The following BCL9L variants were observed in gnomAD, a reference collection of about 807,000 sequenced individuals.
BCL9L encodes BCL9 like, also known as B-cell CLL/lymphoma 9-like protein.
A neutral mutation model predicts 99.4 loss-of-function variants in BCL9L; 19 were observed. The ratio of observed to expected loss-of-function variants is 0.19; its 90% confidence interval spans 0.13 to 0.28. The LOEUF (loss-of-function observed/expected upper bound fraction) is 0.28, where lower values mean the gene tolerates loss of function less well. Among genes scored for constraint, BCL9L ranks in the 10% least tolerant of loss-of-function variants. BCL9L has a pLI of 1.00. For synonymous variants in BCL9L, 900 were observed against 854.8 expected, an observed-to-expected ratio of 1.05 and a Z score of -0.92; for missense variants, 2,023 against 2,101.6, an observed-to-expected ratio of 0.96 and a Z score of 0.73.
At chr11:118,924,258 C>G (rs901980809) in intron 1 of BCL9L, among the ~76,000 whole-genome samples, 5 of 151,896 alleles carry the variant, frequency 3.3e-5, no homozygotes, top group African/African-American at 9.7e-5. Context: ...TGTGAGGGCT[C>G]AAACACACGC....
chr11:118,902,049 T>C lies in BCL9L; in HGVS notation c.1694A>G (p.His565Arg), dbSNP rs1940269580. ...MMVRGPPPPY[H>R]SKPGDQWPPG... ...TGGCCACTGATCCCCAGGCTTGCTG[T>C]GGTAAGGAGGCGGGGGCCCCCTCAC... is the stretch of plus-strand genomic sequence containing the variant. The change falls in exon 8 of 10, where the codon CAC (histidine) becomes CGC (arginine). Residue 565 changes from histidine to arginine, a missense_variant. By Grantham distance (29) the His-to-Arg change is conservative. Coordinates refer to ENST00000683865, the MANE Select transcript of BCL9L (RefSeq NM_001378213.1). This position sits in a 1 kb window ranked among gnomAD's most constrained non-coding sequence, Gnocchi z 7.8. 6.2e-7 allele frequency: 1 copy of C among 1,614,062 alleles called. No individual in the cohort carries two copies. The highest frequency in any genetic ancestry group is 8.5e-7 in the Non-Finnish European group (1 of 1,179,996).
rs1258314785 is a variant in BCL9L, at chr11:118,909,934, C to A, written c.6G>T (p.Arg2Ser). The change falls in exon 3 of 10, where the codon AGG (arginine) becomes AGT (serine). Residue 2 changes from arginine (R) to serine (S), a missense_variant. By Grantham distance (110) the Arg-to-Ser change is moderately radical (BLOSUM62 -1). This residue lies in a region of BCL9L where 1,116 missense variants were observed against 1,194.6 expected (regional missense o/e 0.93). Coordinates refer to ENST00000683865, the MANE Select transcript of BCL9L (RefSeq NM_001378213.1). M[R>S]ILANKTRLPH... The stretch of plus-strand genomic sequence containing the variant: ...CACACCTTGTCTTGTTAGCCAGGAT[C>A]CTCATGGCTCCCACACACAGTGGGG... 2 of 1,613,988 alleles carry A rather than the reference C, an allele frequency of 1.2e-6. No individual in the cohort carries two copies. The highest frequency in any genetic ancestry group is 1.7e-6 in the Non-Finnish European group (2 of 1,179,974).
Position 118,902,792 on chromosome 11 carries a change from G to A in BCL9L, c.951C>T (p.Ala317=), listed in dbSNP as rs1420728607. Reference sequence around the variant, plus strand: ...GCCCCTCTGGGGGCAGAGCAGGCGGGGCACTGCCAGGGGCCGGGGGTGGCG... The same window carrying A: ...GCCCCTCTGGGGGCAGAGCAGGCGGAGCACTGCCAGGGGCCGGGGGTGGCG... ...PPPPPPAPGS[A]PPALPPEGPP... is the part of the protein sequence containing the mutation. Residue 317 remains alanine (A), a synonymous_variant, in exon 8 of 10, where the codon GCC becomes GCT. Transcript: ENST00000683865. The surrounding 1 kb of genome is among the most constrained non-coding windows in gnomAD (Gnocchi z 7.8). The A allele has an allele frequency of 6.4e-7, 1 of 1,566,488 alleles. No homozygotes were observed. The highest frequency in any genetic ancestry group is 2.3e-5 in the East Asian group (1 of 44,332).
chr11:118,925,473 C>T lies in BCL9L; in HGVS notation c.-366G>A, dbSNP rs10892308. ...GCCTCCCAACCGCGGAGCATGGTCG[C>T]GGGCGCCGGGCAGTGGCGGGAGAGC... On this transcript the variant is annotated 5_prime_UTR_variant, in exon 1 of 10. Transcript: ENST00000683865. The surrounding 1 kb of genome is among the most constrained non-coding windows in gnomAD (Gnocchi z 6.4). The T allele has an allele frequency of 1, 152,298 of 152,298 alleles. 76,149 individuals carry two copies. The highest frequency in any genetic ancestry group is 1 in the Non-Finnish European group (68,046 of 68,046). 9.4% of individuals were successfully genotyped at this position (152,298 alleles called of 1,614,324 possible).
chr11:118,924,184 A>T (rs1208174120), intron 1 of BCL9L, among the ~76,000 whole-genome samples: 1 of 152,102 alleles, frequency 6.6e-6, no homozygotes, highest in African/African-American at 2.4e-5. Flanking sequence ...GGGCACAGTC[A>T]GCTTTCACAC....
rs55938967 is a variant in BCL9L, at chr11:118,921,618, A to G, written c.-130-2739T>C. ...GGTGGAAGGGGGCCTAGAATAAAAC[A>G]CCAGGGTTAGGAGGGGGACCAGTCC... On this transcript the variant is annotated intron_variant, in intron 1 of 9. Transcript: ENST00000683865. The surrounding 1 kb of genome is among the most constrained non-coding windows in gnomAD (Gnocchi z 5.4). Among the ~76,000 whole-genome samples, 2,732 of 152,140 alleles carry G rather than the reference A, an allele frequency of 0.018. 68 individuals are homozygous for G. The highest frequency in any genetic ancestry group is 0.13 in the East Asian group (676 of 5,168).
chr11:118,912,086 C>G (rs947810240), intron 2 of BCL9L, among the ~76,000 whole-genome samples: 1 of 152,170 alleles, frequency 6.6e-6, no homozygotes. Flanking sequence ...TCAGGACTTT[C>G]CCATCTCACA....
At chr11:118,923,811 G>C (rs1163775395) in intron 1 of BCL9L, among the ~76,000 whole-genome samples, 2 of 152,164 alleles carry the variant, frequency 1.3e-5, no homozygotes, top group South Asian at 2.1e-4. Context: ...AAATCACCTG[G>C]GGGAGGCGGC....
In BCL9L at chr11:118,898,221, C is replaced by G; in HGVS notation, c.*194G>C. 1.3e-6 allele frequency: 1 copy of G among 787,870 alleles called. No homozygotes were observed. The highest frequency in any genetic ancestry group is 2.0e-6 in the Non-Finnish European group (1 of 511,604). The allele number at this position is 787,870 out of a possible 1,614,324, so 48.8% of individuals were successfully genotyped here. A position where few individuals can be genotyped will look rare whatever the true frequency, so the allele number is the denominator to read the frequency against. ...ATGGAACCAACCCCAATGCAAAATCCCCCACCCCACACTGCCACTTCCCCC... is the reference window on the plus strand; with the variant it reads ...ATGGAACCAACCCCAATGCAAAATCGCCCACCCCACACTGCCACTTCCCCC... On this transcript the variant is annotated 3_prime_UTR_variant, in exon 10 of 10. Coordinates refer to ENST00000683865, the MANE Select transcript of BCL9L (RefSeq NM_001378213.1).
rs1940044155 is a variant in BCL9L, at chr11:118,898,707, GTCC to G, written c.4205_4207del (p.Arg1402del). 1 of 1,612,474 alleles carries G rather than the reference GTCC, an allele frequency of 6.2e-7. No homozygotes were observed. Among genetic ancestry groups the G allele is most frequent in the African/African-American group, 1.3e-5 (1 of 75,060 alleles). ...CATCCCCTGCTGTGGGGGCACGCCT[GTCC>G]TGCCCAGCAAGGACATCTGTCCAGG... On this transcript the variant is annotated inframe_deletion, in exon 10 of 10. Coordinates refer to ENST00000683865, the MANE Select transcript of BCL9L (RefSeq NM_001378213.1).
Position 118,898,676 on chromosome 11 carries a change from G to A in BCL9L, c.4239C>T (p.Pro1413=), listed in dbSNP as rs1185358102. 1 of 1,611,170 alleles carries A rather than the reference G, an allele frequency of 6.2e-7. No homozygotes were observed. The highest frequency in any genetic ancestry group is 2.2e-5 in the East Asian group (1 of 44,826). ...TGVPPQQGMV[P]HGLHQGVMSP... is the part of the protein sequence containing the mutation. ...ACATGACCCCCTGGTGCAGGCCATG[G>A]GGCACCATCCCCTGCTGTGGGGGCA... The change falls in exon 10 of 10, where the codon CCC becomes CCT. Residue 1413 remains proline (P), a synonymous_variant. Coordinates refer to ENST00000683865, the MANE Select transcript of BCL9L (RefSeq NM_001378213.1).
rs1340014306 is a variant in BCL9L, at chr11:118,914,247, TA to T, written c.-76-4233del. ...CCAAGGGGTTAATCTGTCCCCTATT[TA>T]GGGGGGTAGGGGTGGCCGAGGAACC... On this transcript the variant is annotated intron_variant, in intron 2 of 9. Coordinates refer to ENST00000683865, the MANE Select transcript of BCL9L (RefSeq NM_001378213.1). This position sits in a 1 kb window ranked among gnomAD's most constrained non-coding sequence, Gnocchi z 4.4. Among the ~76,000 whole-genome samples, 3 of 152,060 alleles carry T rather than the reference TA, an allele frequency of 2.0e-5. No individual in the cohort carries two copies. The East Asian group carries it at 5.8e-4, about 29-fold the overall frequency.
intron 2 of BCL9L, 83 bp from the exon 3 acceptor site, chr11:118,910,098 G>A: frequency 1.1e-6 from 1 of 946,012 alleles, no homozygotes; most frequent in Non-Finnish European, 1.6e-6. Context: ...GGACCCAACA[G>A]CCCTGGGACT....
chr11:118,915,711 C>T (rs1451819537), intron 2 of BCL9L, among the ~76,000 whole-genome samples: 1 of 152,256 alleles, frequency 6.6e-6, no homozygotes, highest in African/African-American at 2.4e-5. Context: ...TTCTCCCTGC[C>T]TGCCCCTTGG....
Position 118,903,489 on chromosome 11 carries a change from C to G in BCL9L, c.533-37G>C. 1 of 1,604,094 alleles carries G rather than the reference C, an allele frequency of 6.2e-7. No homozygotes were observed. Among genetic ancestry groups the G allele is most frequent in the South Asian group, 1.1e-5 (1 of 90,052 alleles). ...AGGACAGGGAAAGGGGCTAAGTGGT[C>G]TAGATACAAGAAGGACCAGCTGATG... On this transcript the variant is annotated intron_variant, in intron 5 of 9. Transcript: ENST00000683865. The surrounding 1 kb of genome is among the most constrained non-coding windows in gnomAD (Gnocchi z 5.6).
rs953054689 is a variant in BCL9L at position 118,903,740 on chromosome 11, C to G, written c.533-288G>C. Among the ~76,000 whole-genome samples the G allele has an allele frequency of 6.6e-6, 1 of 152,150 alleles. No individual in the cohort carries two copies. The highest frequency in any genetic ancestry group is 2.1e-4 in the South Asian group (1 of 4,826). ...TCTCATCAACACACCCTGGGAGGAA[C>G]GTGTCACACACTCCACTTAACAAAG... On this transcript the variant is annotated intron_variant, in intron 5 of 9. Transcript: ENST00000683865. This position sits in a 1 kb window ranked among gnomAD's most constrained non-coding sequence, Gnocchi z 5.6.
At position 118,902,404 on chromosome 11, in the gene BCL9L, C is replaced by T. The variant is rs767643482; in HGVS notation, c.1339G>A (p.Ala447Thr). 1.3e-6 allele frequency: 2 copies of T among 1,558,526 alleles called. No homozygotes were observed. Among genetic ancestry groups the T allele is most frequent in the Admixed American group, 3.9e-5 (2 of 51,748 alleles). ...GAGEGGPPAQ[A>T]PPPPQQPPTA... ...GGTGGCTGCTGGGGGGGAGGGGGGG[C>T]TTGTGCTGGTGGGCCCCCCTCACCC... Residue 447 changes from alanine to threonine, a missense_variant, in exon 8 of 10, where the codon GCC becomes ACC. Physicochemically the swap from Ala to Thr is moderately conservative, Grantham distance 58. Coordinates refer to ENST00000683865, the MANE Select transcript of BCL9L (RefSeq NM_001378213.1). This position sits in a 1 kb window ranked among gnomAD's most constrained non-coding sequence, Gnocchi z 7.8.
In BCL9L at chr11:118,925,077, C is replaced by T. The variant is rs1456454849; in HGVS notation, c.-131+161G>A. 6.6e-6 allele frequency: 1 copy of T among 152,414 alleles called. No individual in the cohort carries two copies. Among genetic ancestry groups the T allele is most frequent in the Admixed American group, 6.5e-5 (1 of 15,294 alleles). The allele number at this position is 152,414 out of a possible 1,614,324, so 9.4% of individuals were successfully genotyped here. A position where few individuals can be genotyped will look rare whatever the true frequency, so the allele number is the denominator to read the frequency against. ...GGGGCTTAAGAGTAGCCTCCACTGA[C>T]CCTGGGGGAGTCCCCCACACCTTAA... On this transcript the variant is annotated intron_variant, in intron 1 of 9. Transcript: ENST00000683865. The surrounding 1 kb of genome is among the most constrained non-coding windows in gnomAD (Gnocchi z 6.4).
rs112764353 is a variant in BCL9L at position 118,906,685 on chromosome 11, T to TTC, written c.532+796_532+797dup. Among the ~76,000 whole-genome samples, 5 of 151,718 alleles carry TTC rather than the reference T, an allele frequency of 3.3e-5. No individual in the cohort carries two copies. The East Asian group carries it at 9.7e-4, about 29-fold the overall frequency. ...TTCTTTCTTTACTTCTTTCCTTTCT[T>TTC]TCTCTCTCTCTCTCTTTTTAGAGAT... On this transcript the variant is annotated intron_variant, in intron 5 of 9. Transcript: ENST00000683865.
Sources: allele counts gnomAD v4.1 joint callset (sites outside exome capture counted in the v4.1 genomes callset), GRCh38; gene constraint gnomAD v4.1.1; regional missense constraint gnomAD v4.1.1; non-coding constraint Gnocchi (gnomAD v3.1); transcripts MANE v1.5; gene names NCBI Gene and HGNC (gene_info 2026-07-23, HGNC 2026-07-21).